The following LTBP2 variants were observed in gnomAD, a reference collection of about 807,000 sequenced individuals.
The protein encoded by LTBP2 is latent-transforming growth factor beta-binding protein 2.
In LTBP2, 103 loss-of-function variants were observed where a neutral mutation model predicts 210.6. That is an observed-to-expected ratio of 0.49 (90% CI 0.42 to 0.58). LTBP2 has a LOEUF of 0.58. Among genes scored for constraint, LTBP2 ranks in the 20% least tolerant of loss-of-function variants. The pLI is 0.00. For missense variants in LTBP2, 2,313 were observed against 2,494.5 expected (o/e 0.93, Z 1.55); for synonymous variants, 1,007 against 1,015.0 (o/e 0.99, Z 0.15).
intron 3 of LTBP2, among the ~76,000 whole-genome samples, chr14:74,578,604 T>A (rs140291847): frequency 4.9e-4 from 74 of 152,096 alleles, no homozygotes; most frequent in African/African-American, 1.6e-3. Flanking sequence ...CAGAAACTAG[T>A]CTGCACTCCC....
intron 3 of LTBP2, among the ~76,000 whole-genome samples, chr14:74,564,037 A>T (rs1362670412): frequency 1.6e-4 from 4 of 25,628 alleles, no homozygotes; most frequent in African/African-American, 2.2e-4. Flanking sequence ...ATATATATTT[A>T]TATATATATA....
At chr14:74,583,415 C>T (rs1211473969) in intron 3 of LTBP2, among the ~76,000 whole-genome samples, 14 of 152,224 alleles carry the variant, frequency 9.2e-5, no homozygotes, top group African/African-American at 3.4e-4. Flanking sequence ...CAAAACACAG[C>T]TGGGCCAGCA....
At chr14:74,562,512 C>T (rs11624211) in intron 3 of LTBP2, among the ~76,000 whole-genome samples, 55,289 of 151,634 alleles carry the variant, frequency 0.36, 12,231 homozygotes, top group Non-Finnish European at 0.5. Flanking sequence ...ATGTGCAACT[C>T]GTATCAGAGA....
chr14:74,525,295 G>C, intron 14 of LTBP2, 70 bp from the exon 15 acceptor site: 2 of 850,892 alleles, frequency 2.4e-6, no homozygotes, highest in South Asian at 9.1e-5. Flanking sequence ...CCTCTTCCCT[G>C]GTGCTCAGAC....
intron 3 of LTBP2, among the ~76,000 whole-genome samples, chr14:74,564,097 ATT>A (rs1229091993): frequency 4.4e-5 from 1 of 22,956 alleles, no homozygotes; most frequent in Non-Finnish European, 9.0e-5. Flanking sequence ...TTATATATAT[ATT>A]TATATATATA....
rs376895174 is a variant in LTBP2, at chr14:74,526,109, C to T, written c.2394G>A (p.Thr798=). ...AGGCAGGTGCATGAGTGACACTGGT[C>T]GTGACCTGCACAGAAACAGGAGAAG... is the stretch of plus-strand genomic sequence containing the variant. ...DKGDSQAGQV[T]TSVTHAPAWV... Residue 798 remains threonine, a synonymous_variant, in exon 14 of 36, where the codon ACG becomes ACA. Transcript: ENST00000261978. 18 of 1,602,732 alleles carry T rather than the reference C, an allele frequency of 1.1e-5. No homozygotes were observed. The highest frequency in any genetic ancestry group is 5.4e-5 in the African/African-American group (4 of 74,688).
chr14:74,511,548 G>A (rs2087071863), intron 18 of LTBP2, among the ~76,000 whole-genome samples, 184 bp from the exon 19 acceptor site: 1 of 152,244 alleles, frequency 6.6e-6, no homozygotes, highest in African/African-American at 2.4e-5. Context: ...TGGGACAAAA[G>A]AGGGAGATGG....
chr14:74,551,685 C>G (rs889953430), intron 6 of LTBP2, among the ~76,000 whole-genome samples: 5 of 152,180 alleles, frequency 3.3e-5, no homozygotes, highest in African/African-American at 7.2e-5. Flanking sequence ...GTGCCAGTCC[C>G]TCTGCTTAAC....
Position 74,516,798 on chromosome 14 carries a change from G to A in LTBP2, c.2908+24C>T, listed in dbSNP as rs199935771. ...CAGGTGGGTGGTGGGGTGGCAGGGCGCTTCCCTCCTTCCCGTTCCTTACCT... is the reference window on the plus strand; with the variant it reads ...CAGGTGGGTGGTGGGGTGGCAGGGCACTTCCCTCCTTCCCGTTCCTTACCT... On this transcript the variant is annotated intron_variant, in intron 18 of 35. Coordinates refer to ENST00000261978, the MANE Select transcript of LTBP2 (RefSeq NM_000428.3). The A allele has an allele frequency of 6.1e-4, 946 of 1,550,306 alleles. 8 individuals carry two copies. In the African/African-American group the frequency reaches 0.011, roughly 17 times the overall value.
chr14:74,553,285 CTT>C (rs2087685593), intron 4 of LTBP2, among the ~76,000 whole-genome samples: 1 of 152,168 alleles, frequency 6.6e-6, no homozygotes. Context: ...CATCAACCCT[CTT>C]GAGTGGGTGG....
At position 74,551,163 on chromosome 14, in the gene LTBP2, G is replaced by T. The variant is rs761075181; in HGVS notation, c.1587C>A (p.Ile529=). 10 of 1,613,842 alleles carry T rather than the reference G, an allele frequency of 6.2e-6. No individual in the cohort carries two copies. The Admixed American group carries it at 1.3e-4, about 22-fold the overall frequency. The change falls in exon 7 of 36, where the codon ATC becomes ATA. Residue 529 remains isoleucine, a synonymous_variant. Transcript: ENST00000261978. ...GAGGGGGCTCTCCAGACCGAGCAGG[G>T]ATGTTGTTGCTGTCCCAGAGGCTGT... ...PGHSLWDSNN[I]PARSGEPPRP... is the part of the protein sequence containing the mutation.
chr14:74,529,084 GGTAGCACA>G lies in LTBP2; in HGVS notation c.2018_2025del (p.Leu673ProfsTer35). 1 of 1,554,478 alleles carries G rather than the reference GGTAGCACA, an allele frequency of 6.4e-7. No individual in the cohort carries two copies. Among genetic ancestry groups the G allele is most frequent in the Non-Finnish European group, 8.7e-7 (1 of 1,148,838 alleles). On this transcript the variant is annotated frameshift_variant, in exon 11 of 36. Transcript: ENST00000261978. LOFTEE classifies it high-confidence loss of function. ...GTGCAGGTGCCGGGCCCCAGCGACC[GGTAGCACA>G]GTCCCTGCAGCATGGAGATTGCCTT... is the stretch of plus-strand genomic sequence containing the variant.
At chr14:74,582,019 G>GTTT (rs1162135097) in intron 3 of LTBP2, among the ~76,000 whole-genome samples, 1 of 128,506 alleles carries the variant, frequency 7.8e-6, no homozygotes, top group Non-Finnish European at 1.7e-5. Flanking sequence ...TAGGGTTGTT[G>GTTT]TTTTTTTTTT....
intron 15 of LTBP2, among the ~76,000 whole-genome samples, chr14:74,524,841 C>G (rs1179431990): frequency 6.6e-6 from 1 of 152,202 alleles, no homozygotes. Flanking sequence ...CCCAGATTCT[C>G]CTGGAAGACC....
intron 9 of LTBP2, among the ~76,000 whole-genome samples, chr14:74,534,849 G>A (rs989831571): frequency 6.6e-6 from 1 of 152,064 alleles, no homozygotes; most frequent in African/African-American, 2.4e-5. Flanking sequence ...TCAGGGGCAG[G>A]GCCTCCTGAG....
Position 74,502,741 on chromosome 14 carries a change from T to C in LTBP2, c.5082A>G (p.Thr1694=). 1 of 1,614,140 alleles carries C rather than the reference T, an allele frequency of 6.2e-7. No homozygotes were observed. The highest frequency in any genetic ancestry group is 8.5e-7 in the Non-Finnish European group (1 of 1,180,020). ...GTGTGCGGTCCGCTGAGTGACCGGC[T>C]GTGTTGGGGAAGGCAGGCTCAGGGA... The part of the protein sequence containing the change: ...DTVPEPAFPN[T]AGHSADRTPI... Residue 1694 remains threonine (T), a synonymous_variant, in exon 34 of 36, where the codon ACA becomes ACG. Coordinates refer to ENST00000261978, the MANE Select transcript of LTBP2 (RefSeq NM_000428.3).
At chr14:74,529,576 C>G (rs116048223) in intron 10 of LTBP2, among the ~76,000 whole-genome samples, 6,726 of 152,222 alleles carry the variant, frequency 0.044, 245 homozygotes, top group African/African-American at 0.097. Context: ...CTTGGGTCAT[C>G]TCTGTCACCC....
chr14:74,540,861 AT>A lies in LTBP2; in HGVS notation c.1790-4862del, dbSNP rs1196640483. Among the ~76,000 whole-genome samples, 138 of 95,544 alleles carry A rather than the reference AT, an allele frequency of 1.4e-3. 6 individuals carry two copies. The highest frequency in any genetic ancestry group is 2.7e-3 in the Non-Finnish European group (129 of 48,518). 62.7% of individuals were successfully genotyped at this position (95,544 alleles called of 152,430 possible). On this transcript the variant is annotated intron_variant, in intron 8 of 35. Transcript: ENST00000261978. Reference sequence around the variant, plus strand: ...TATTTATATATATTATATATATTATATATATTTATATATATAATATATATAT... The same window carrying A: ...TATTTATATATATTATATATATTATAATATTTATATATATAATATATATAT...
intron 2 of LTBP2, among the ~76,000 whole-genome samples, chr14:74,601,389 T>G (rs574611347): frequency 1.3e-5 from 2 of 152,006 alleles, no homozygotes; most frequent in Non-Finnish European, 2.9e-5. Context: ...CTACAAAAAA[T>G]TAATTAATTA....
Sources: gnomAD v4.1 joint callset for allele counts (sites outside exome capture counted in the v4.1 genomes callset) on GRCh38, gnomAD v4.1.1 for gene constraint, MANE v1.5 for transcripts, NCBI Gene and HGNC (gene_info 2026-07-23, HGNC 2026-07-21) for gene names.